Variants in PCNX4 observed in about 807,000 individuals in gnomAD.
PCNX4 encodes pecanex 4.
A neutral mutation model predicts 107.2 loss-of-function variants in PCNX4; 103 were observed. The observed-to-expected ratio is 0.96, with a 90% CI of 0.82 to 1.13. The LOEUF (loss-of-function observed/expected upper bound fraction) is 1.13, where lower values mean the gene tolerates loss of function less well. Among genes scored for constraint, PCNX4 ranks in the 50% most tolerant of loss-of-function variants. The probability of loss-of-function intolerance (pLI) is 0.00; values close to 1 mark genes in which losing one functional copy is unlikely to be tolerated. For missense variants in PCNX4, 1,528 were observed against 1,379.4 expected (o/e 1.11, Z -1.71); for synonymous variants, 541 against 481.7 (o/e 1.12, Z -1.61).
intron 2 of PCNX4, among the ~76,000 whole-genome samples, chr14:60,112,578 T>C (rs1393425676): frequency 1.3e-5 from 2 of 152,226 alleles, no homozygotes; most frequent in Admixed American, 1.3e-4. Context: ...TGCCATTGCT[T>C]ATTGTTAAAG....
chr14:60,101,248 A>G (rs1383689782), intron 1 of PCNX4, among the ~76,000 whole-genome samples: 9 of 152,222 alleles, frequency 5.9e-5, no homozygotes, highest in Non-Finnish European at 7.3e-5. Context: ...CCTAAAATAT[A>G]TAAAACTAAG....
Position 60,124,826 on chromosome 14 carries a change from T to C in PCNX4, c.2655T>C (p.Ala885=). The C allele has an allele frequency of 2.5e-6, 4 of 1,613,844 alleles. No individual in the cohort carries two copies. In the East Asian group the frequency reaches 8.9e-5, roughly 36 times the overall value. ...AAGCAGTTCTATTAGGATACCCTGCTGTTGACAAAGGAAAACAAGAGGACA... is the reference window on the plus strand; with the variant it reads ...AAGCAGTTCTATTAGGATACCCTGCCGTTGACAAAGGAAAACAAGAGGACA... ...LYKAVLLGYP[A]VDKGKQEDMP... Residue 885 remains alanine (A), a synonymous_variant, in exon 9 of 11, where the codon GCT becomes GCC. Coordinates refer to ENST00000406854, the MANE Select transcript of PCNX4 (RefSeq NM_001330177.2).
intron 8 of PCNX4, among the ~76,000 whole-genome samples, chr14:60,123,040 C>T (rs1430833207): frequency 6.6e-6 from 1 of 152,124 alleles, no homozygotes; most frequent in Non-Finnish European, 1.5e-5. Context: ...TCAAACAGCG[C>T]TCCGAGTGAT....
chr14:60,093,738 C>CT (rs1222096585), intron 1 of PCNX4, among the ~76,000 whole-genome samples: 1 of 152,122 alleles, frequency 6.6e-6, no homozygotes, highest in African/African-American at 2.4e-5. Flanking sequence ...TATGGTAACT[C>CT]TATGTTTAGC....
In PCNX4 at chr14:60,135,382, T is replaced by C. The variant is rs931421780; in HGVS notation, c.*1161T>C. On this transcript the variant is annotated 3_prime_UTR_variant, in exon 11 of 11. Transcript: ENST00000406854. ...AATTCAAGAGATTTGTATGTTATTCTTTTTTTGGAGGTAATATAGTACAGT... is the reference window on the plus strand; with the variant it reads ...AATTCAAGAGATTTGTATGTTATTCCTTTTTTGGAGGTAATATAGTACAGT... 2 of 145,884 alleles carry C rather than the reference T, an allele frequency of 1.4e-5. No individual in the cohort carries two copies. The highest frequency in any genetic ancestry group is 6.8e-5 in the Admixed American group (1 of 14,774). 9.0% of individuals were successfully genotyped at this position (145,884 alleles called of 1,614,324 possible).
At chr14:60,102,329 T>TTAAAAA (rs143582865) in intron 1 of PCNX4, among the ~76,000 whole-genome samples, 113,867 of 151,506 alleles carry the variant, frequency 0.75, 44,851 homozygotes, top group Non-Finnish European at 0.87. Flanking sequence ...TTAAAAAAAC[T>TTAAAAA]TCAATCACTA....
In PCNX4 at chr14:60,141,280, GA is replaced by G. The variant is rs1383785918; in HGVS notation, c.*7062del. On this transcript the variant is annotated 3_prime_UTR_variant, in exon 11 of 11. Transcript: ENST00000406854. ...CAAAATAAGCCCAAAGCAGGCAAAA[GA>G]AAGGAAATAACCAAAAGCAGAAATC... 4.6e-5 allele frequency: 7 copies of G among 152,042 alleles called. No individual in the cohort carries two copies. The highest frequency in any genetic ancestry group is 4.6e-4 in the Admixed American group (7 of 15,264). The allele number at this position is 152,042 out of a possible 1,614,324, so 9.4% of individuals were successfully genotyped here.
Position 60,139,022 on chromosome 14 carries a change from C to G in PCNX4, c.*4801C>G, listed in dbSNP as rs1381705099. On this transcript the variant is annotated 3_prime_UTR_variant, in exon 11 of 11. Coordinates refer to ENST00000406854, the MANE Select transcript of PCNX4 (RefSeq NM_001330177.2). ...ATAAAACAATCGTAGAACTACAAAG[C>G]TAATACAGGGCTAAAGTGGAATAAT... The G allele has an allele frequency of 1.3e-5, 2 of 151,796 alleles. No homozygotes were observed. Among genetic ancestry groups the G allele is most frequent in the Admixed American group, 1.3e-4 (2 of 15,236 alleles). The allele number at this position is 151,796 out of a possible 1,614,324, so 9.4% of individuals were successfully genotyped here.
At chr14:60,114,071 C>G (rs999787563) in intron 2 of PCNX4, among the ~76,000 whole-genome samples, 2 of 152,174 alleles carry the variant, frequency 1.3e-5, no homozygotes, top group East Asian at 3.8e-4. Context: ...TAGTTAAGTT[C>G]TTAGGTTAAG....
In PCNX4 at chr14:60,135,048, T is replaced by G. The variant is rs530148600; in HGVS notation, c.*827T>G. ...AGTCAGAAGGAGATGGAAGAAAATT[T>G]TTATAATACGATCTGAATTTTATTT... On this transcript the variant is annotated 3_prime_UTR_variant, in exon 11 of 11. Transcript: ENST00000406854. 6.6e-4 allele frequency: 100 copies of G among 152,356 alleles called. No individual in the cohort carries two copies. Among genetic ancestry groups the G allele is most frequent in the African/African-American group, 2.3e-3 (96 of 41,594 alleles). 9.4% of individuals were successfully genotyped at this position (152,356 alleles called of 1,614,324 possible). A position where few individuals can be genotyped will look rare whatever the true frequency, so the allele number is the denominator to read the frequency against.
intron 1 of PCNX4, among the ~76,000 whole-genome samples, chr14:60,103,149 C>T (rs1239312462): frequency 2.6e-5 from 4 of 152,124 alleles, no homozygotes; most frequent in African/African-American, 9.7e-5. Context: ...TCATGACATT[C>T]CTCCTTAACT....
rs1362120084 is a variant in PCNX4, at chr14:60,138,824, T to C, written c.*4603T>C. On this transcript the variant is annotated 3_prime_UTR_variant, in exon 11 of 11. Coordinates refer to ENST00000406854, the MANE Select transcript of PCNX4 (RefSeq NM_001330177.2). ...ATATATATACAGTTTAAGTGAATATTAACTATATAAAATAGTCTTCGAGGT... is the reference window on the plus strand; with the variant it reads ...ATATATATACAGTTTAAGTGAATATCAACTATATAAAATAGTCTTCGAGGT... 1 of 152,158 alleles carries C rather than the reference T, an allele frequency of 6.6e-6. No homozygotes were observed. Among genetic ancestry groups the C allele is most frequent in the Non-Finnish European group, 1.5e-5 (1 of 68,022 alleles). 9.4% of individuals were successfully genotyped at this position (152,158 alleles called of 1,614,324 possible). A position where few individuals can be genotyped will look rare whatever the true frequency, so the allele number is the denominator to read the frequency against.
chr14:60,104,318 CAAAAAAAAAAAAAA>C (rs200434027), intron 1 of PCNX4, among the ~76,000 whole-genome samples: 1 of 129,552 alleles, frequency 7.7e-6, no homozygotes, highest in African/African-American at 3.5e-5. Context: ...GACTCCATCT[CAAAAAAAAAAAAAA>C]AAAAAAAAAA....
At chr14:60,093,449 A>C (rs1221666568) in intron 1 of PCNX4, among the ~76,000 whole-genome samples, 1 of 152,194 alleles carries the variant, frequency 6.6e-6, no homozygotes, top group South Asian at 2.1e-4. Flanking sequence ...ATAGACGGGA[A>C]AATACAATAT....
chr14:60,107,181 A>G (rs1398816374), intron 1 of PCNX4, among the ~76,000 whole-genome samples: 1 of 152,198 alleles, frequency 6.6e-6, no homozygotes, highest in African/African-American at 2.4e-5. Flanking sequence ...CAGATACCCA[A>G]GACCAGCCTG....
rs1405555036 is a variant in PCNX4 at position 60,143,587 on chromosome 14, CTTTA to C, written c.*9370_*9373del. ...GAACAGTATTGTGTTAGCGTTGCTT[CTTTA>C]TTTCTTCACTTATGACTATGCCTCT... On this transcript the variant is annotated 3_prime_UTR_variant, in exon 11 of 11. Coordinates refer to ENST00000406854, the MANE Select transcript of PCNX4 (RefSeq NM_001330177.2). 6.6e-6 allele frequency: 1 copy of C among 152,150 alleles called. No homozygotes were observed. Among genetic ancestry groups the C allele is most frequent in the African/African-American group, 2.4e-5 (1 of 41,420 alleles). 9.4% of individuals were successfully genotyped at this position (152,150 alleles called of 1,614,324 possible). A position where few individuals can be genotyped will look rare whatever the true frequency, so the allele number is the denominator to read the frequency against.
intron 4 of PCNX4, 42 bp downstream of exon 4, chr14:60,115,503 T>G (rs777406702): frequency 1.3e-6 from 2 of 1,497,464 alleles, no homozygotes; most frequent in Non-Finnish European, 1.8e-6. Context: ...ACAAATCATA[T>G]CCTGGAAGTA....
At position 60,137,870 on chromosome 14, in the gene PCNX4, A is replaced by ACC; in HGVS notation, c.*3649_*3650insCC. On this transcript the variant is annotated 3_prime_UTR_variant, in exon 11 of 11. Coordinates refer to ENST00000406854, the MANE Select transcript of PCNX4 (RefSeq NM_001330177.2). ...TTTGGGAGGCTGAGGCGGGTGGATC[A>ACC]TGAGGTCAGGAGATCGAGACCATCC... 6.6e-6 allele frequency: 1 copy of ACC among 152,190 alleles called. No homozygotes were observed. Among genetic ancestry groups the ACC allele is most frequent in the Non-Finnish European group, 1.5e-5 (1 of 67,986 alleles). 9.4% of individuals were successfully genotyped at this position (152,190 alleles called of 1,614,324 possible).
rs372647824 is a variant in PCNX4, at chr14:60,116,027, C to T, written c.1545C>T (p.Asn515=). 131 of 1,612,400 alleles carry T rather than the reference C, an allele frequency of 8.1e-5. No homozygotes were observed. Among genetic ancestry groups the T allele is most frequent in the Non-Finnish European group, 1.1e-4 (127 of 1,179,266 alleles). Residue 515 remains asparagine (N), a synonymous_variant, in exon 6 of 11, where the codon AAC becomes AAT. Transcript: ENST00000406854. ...TCTCCAGTACAGACATATGGTGGAA[C>T]AGAAGCCTGGATACAGGACTCAGAC... ...HLISSTDIWW[N]RSLDTGLRLL... is the part of the protein sequence containing the mutation.
Sources: allele counts gnomAD v4.1 joint callset (sites outside exome capture counted in the v4.1 genomes callset), GRCh38; gene constraint gnomAD v4.1.1; transcripts MANE v1.5; gene names NCBI Gene and HGNC (gene_info 2026-07-23, HGNC 2026-07-21).